The following SH3GL2 variants were observed in gnomAD, a reference collection of about 807,000 sequenced individuals.
SH3GL2 encodes the protein SH3 domain containing GRB2 like 2, endophilin A1.
Under a neutral mutation model 46.0 loss-of-function variants are expected in SH3GL2, and 24 were observed. The ratio of observed to expected loss-of-function variants is 0.52; its 90% CI spans 0.38 to 0.73. The LOEUF (loss-of-function observed/expected upper bound fraction) is 0.73, where lower values mean the gene tolerates loss of function less well. SH3GL2 is among the 30% of genes least tolerant of loss of function. SH3GL2 has a pLI of 0.00. For missense variants in SH3GL2, 413 were observed against 424.2 expected (o/e 0.97, Z 0.23); for synonymous variants, 196 against 147.1 (o/e 1.33, Z -2.40).
chr9:17,727,285 A>G (rs910444252), intron 1 of SH3GL2, among the ~76,000 whole-genome samples: 1 of 152,188 alleles, frequency 6.6e-6, no homozygotes, highest in Non-Finnish European at 1.5e-5. Context: ...TATGGATACC[A>G]TAGCACAGGT....
intron 1 of SH3GL2, among the ~76,000 whole-genome samples, chr9:17,673,744 CT>C (rs1291729586): frequency 2.6e-5 from 4 of 152,204 alleles, no homozygotes; most frequent in African/African-American, 9.7e-5. Context: ...TTCACACACC[CT>C]CACCTGTGAT....
intron 1 of SH3GL2, among the ~76,000 whole-genome samples, chr9:17,658,010 A>G (rs1174422681): frequency 6.6e-6 from 1 of 152,228 alleles, no homozygotes; most frequent in Admixed American, 6.5e-5. Context: ...GAGCATCCAG[A>G]ACTGGATTAA....
intron 2 of SH3GL2, among the ~76,000 whole-genome samples, chr9:17,751,943 T>C (rs1487723784): frequency 2.0e-5 from 3 of 152,168 alleles, no homozygotes; most frequent in Non-Finnish European, 4.4e-5. Flanking sequence ...AATTCAGTGA[T>C]GACAAGCTTC....
chr9:17,616,974 C>T (rs969918715), intron 1 of SH3GL2, among the ~76,000 whole-genome samples: 7 of 152,136 alleles, frequency 4.6e-5, no homozygotes, highest in Non-Finnish European at 7.4e-5. Context: ...CCATGTTTTC[C>T]TAAAGACAGT....
At chr9:17,756,758 C>T (rs2131144575) in intron 2 of SH3GL2, among the ~76,000 whole-genome samples, 1 of 152,096 alleles carries the variant, frequency 6.6e-6, no homozygotes, top group East Asian at 1.9e-4. Context: ...CAAGTCTTTG[C>T]TGTTGTGAAT....
At chr9:17,649,848 G>C (rs1308421924) in intron 1 of SH3GL2, among the ~76,000 whole-genome samples, 2 of 152,162 alleles carry the variant, frequency 1.3e-5, no homozygotes, top group African/African-American at 2.4e-5. Flanking sequence ...TTATACACCT[G>C]TTGTAACAGA....
chr9:17,658,787 A>G (rs994075501), intron 1 of SH3GL2, among the ~76,000 whole-genome samples: 30 of 152,288 alleles, frequency 2.0e-4, no homozygotes, highest in Middle Eastern at 3.4e-3. Flanking sequence ...GCTGTTGGAA[A>G]TTAGTGTGCA....
At chr9:17,786,011 A>G (rs976236732) in intron 3 of SH3GL2, among the ~76,000 whole-genome samples, 5 of 152,186 alleles carry the variant, frequency 3.3e-5, no homozygotes, top group Non-Finnish European at 7.4e-5. Flanking sequence ...AGATCATCAC[A>G]TAATTCGAGA....
Position 17,718,613 on chromosome 9 carries a change from A to G in SH3GL2, c.46-28453A>G, listed in dbSNP as rs138414333. ...CATGGTGGCACACACTTGTAGTCCC[A>G]CTGACTCAGGGGGCTGAGATGGAAG... On this transcript the variant is annotated intron_variant, in intron 1 of 8. Coordinates refer to ENST00000380607, the MANE Select transcript of SH3GL2 (RefSeq NM_003026.5). Among the ~76,000 whole-genome samples the G allele has an allele frequency of 2.8e-3, 427 of 152,252 alleles. 4 individuals carry two copies. Among genetic ancestry groups the G allele is most frequent in the African/African-American group, 7.9e-3 (328 of 41,544 alleles).
intron 3 of SH3GL2, among the ~76,000 whole-genome samples, chr9:17,780,326 T>C (rs1184492104): frequency 1.3e-5 from 2 of 152,146 alleles, no homozygotes; most frequent in African/African-American, 4.8e-5. Context: ...GCTTATTTTG[T>C]TCATCTTTCT....
rs138635385 is a variant in SH3GL2 at position 17,600,308 on chromosome 9, G to C, written c.45+21021G>C. 1.2e-3 allele frequency among the ~76,000 whole-genome samples: 177 copies of C among 152,280 alleles called. 1 individual carries two copies. The highest frequency in any genetic ancestry group is 3.4e-3 in the Middle Eastern group (1 of 294). ...TTAATTAAATGTCCTATGTTCTTCA[G>C]CCTTAAAAGGTAGGAGAAACTAAGA... On this transcript the variant is annotated intron_variant, in intron 1 of 8. Transcript: ENST00000380607.
chr9:17,731,438 A>G (rs1822179199), intron 1 of SH3GL2, among the ~76,000 whole-genome samples: 1 of 150,554 alleles, frequency 6.6e-6, no homozygotes, highest in Non-Finnish European at 1.5e-5. Context: ...AGAGAGAGAA[A>G]GAGAGAGAGA....
At chr9:17,671,651 CA>C (rs1185008200) in intron 1 of SH3GL2, among the ~76,000 whole-genome samples, 1 of 151,910 alleles carries the variant, frequency 6.6e-6, no homozygotes, top group Non-Finnish European at 1.5e-5. Flanking sequence ...ATTATAAAAG[CA>C]AAAAACAAAA....
chr9:17,743,309 T>C (rs1007001581), intron 1 of SH3GL2, among the ~76,000 whole-genome samples: 2 of 152,338 alleles, frequency 1.3e-5, no homozygotes, highest in East Asian at 1.9e-4. Flanking sequence ...AATATAGATG[T>C]TATTTTTAAT....
chr9:17,646,654 T>TGCTGGGGGGCC (rs1819825683), intron 1 of SH3GL2, among the ~76,000 whole-genome samples: 1 of 151,988 alleles, frequency 6.6e-6, no homozygotes, highest in South Asian at 2.1e-4. Flanking sequence ...TGATGGAGTT[T>TGCTGGGGGGCC]GCTGGGGGGC....
intron 2 of SH3GL2, among the ~76,000 whole-genome samples, chr9:17,747,568 A>T (rs1395286148): frequency 6.6e-6 from 1 of 152,172 alleles, no homozygotes; most frequent in African/African-American, 2.4e-5. Flanking sequence ...TAGTGGAGAG[A>T]ATACAGTTTT....
chr9:17,589,510 T>A (rs1455813558), intron 1 of SH3GL2: 1 of 152,216 alleles, frequency 6.6e-6, no homozygotes, highest in African/African-American at 2.4e-5. Flanking sequence ...CCTGGTGGGC[T>A]GGTGGAACAG....
chr9:17,705,454 C>T (rs893929487), intron 1 of SH3GL2, among the ~76,000 whole-genome samples: 1 of 151,264 alleles, frequency 6.6e-6, no homozygotes, highest in African/African-American at 2.4e-5. Flanking sequence ...ATGTTCAGCA[C>T]AGCAGTATTC....
At chr9:17,653,360 C>T (rs1234338804) in intron 1 of SH3GL2, among the ~76,000 whole-genome samples, 2 of 152,094 alleles carry the variant, frequency 1.3e-5, no homozygotes, top group Non-Finnish European at 2.9e-5. Flanking sequence ...TTACTTTCCT[C>T]TATTCTTTTG....
Sources: gnomAD v4.1 joint callset for allele counts (sites outside exome capture counted in the v4.1 genomes callset) on GRCh38, gnomAD v4.1.1 for gene constraint, MANE v1.5 for transcripts, NCBI Gene and HGNC (gene_info 2026-07-23, HGNC 2026-07-21) for gene names.